Variants in RANBP17 observed in about 807,000 individuals in gnomAD.
RANBP17 encodes the protein RAN binding protein 17.
A neutral mutation model predicts 141.2 loss-of-function variants in RANBP17; 158 were observed. The observed-to-expected ratio is 1.12, with a 90% CI of 0.98 to 1.28. The LOEUF is 1.28. RANBP17 is among the 50% of genes most tolerant of loss of function. RANBP17 has a pLI of 0.00. For synonymous variants in RANBP17, 430 were observed against 450.0 expected, an observed-to-expected ratio of 0.96 and a Z score of 0.56; for missense variants, 1,438 against 1,290.7, an observed-to-expected ratio of 1.11 and a Z score of -1.75.
intron 1 of RANBP17, among the ~76,000 whole-genome samples, chr5:170,875,834 T>C (rs777694813): frequency 3.9e-5 from 6 of 152,226 alleles, no homozygotes; most frequent in Non-Finnish European, 2.9e-5. Flanking sequence ...CTCTGGCCTT[T>C]TGGGTTTTCA....
intron 14 of RANBP17, among the ~76,000 whole-genome samples, chr5:171,022,705 G>T (rs1028097561): frequency 1.3e-5 from 2 of 152,214 alleles, no homozygotes; most frequent in Non-Finnish European, 2.9e-5. Flanking sequence ...CCTGCCCAGG[G>T]AACTTAGCGT....
intron 14 of RANBP17, among the ~76,000 whole-genome samples, chr5:171,167,157 A>G (rs1255117927): frequency 1.3e-5 from 2 of 152,198 alleles, no homozygotes; most frequent in African/African-American, 4.8e-5. Context: ...AACTGTTTTG[A>G]CAGCAGAACA....
chr5:171,111,275 A>C (rs982303978), intron 14 of RANBP17, among the ~76,000 whole-genome samples: 2 of 152,130 alleles, frequency 1.3e-5, no homozygotes, highest in African/African-American at 4.8e-5. Flanking sequence ...CTAAGATATA[A>C]CCATTCAGCT....
At chr5:171,258,065 C>T (rs1766022460) in intron 24 of RANBP17, among the ~76,000 whole-genome samples, 1 of 150,470 alleles carries the variant, frequency 6.6e-6, no homozygotes, top group African/African-American at 2.4e-5. Flanking sequence ...GAGATCGCTT[C>T]ATTGCACTCC....
At chr5:171,255,490 A>G (rs1417072586) in intron 24 of RANBP17, among the ~76,000 whole-genome samples, 2 of 152,146 alleles carry the variant, frequency 1.3e-5, no homozygotes, top group South Asian at 2.1e-4. Context: ...AAGTTCTAGT[A>G]TATGTATTGA....
chr5:170,996,526 C>T (rs1157628439), intron 14 of RANBP17, among the ~76,000 whole-genome samples: 1 of 152,120 alleles, frequency 6.6e-6, no homozygotes, highest in Non-Finnish European at 1.5e-5. Context: ...TGTTCTGGAG[C>T]ATTCTGATTT....
At chr5:170,932,000 T>C (rs1773430652) in intron 12 of RANBP17, among the ~76,000 whole-genome samples, 1 of 152,192 alleles carries the variant, frequency 6.6e-6, no homozygotes, top group African/African-American at 2.4e-5. Flanking sequence ...CCTTGGGCAG[T>C]ATGGCCATTT....
chr5:170,980,339 T>A (rs1777675176), intron 14 of RANBP17, among the ~76,000 whole-genome samples: 1 of 152,184 alleles, frequency 6.6e-6, no homozygotes, highest in Admixed American at 6.5e-5. Flanking sequence ...GAAATTTGTA[T>A]AAGTAATGAG....
At chr5:171,220,502 G>A (rs907047931) in intron 21 of RANBP17, among the ~76,000 whole-genome samples, 5 of 142,650 alleles carry the variant, frequency 3.5e-5, no homozygotes, top group South Asian at 2.3e-4. Context: ...AGGCTGGAGC[G>A]CAGTGGCCCT....
At chr5:170,917,473 T>C (rs1211975726) in intron 9 of RANBP17, among the ~76,000 whole-genome samples, 1 of 152,070 alleles carries the variant, frequency 6.6e-6, no homozygotes, top group Non-Finnish European at 1.5e-5. Flanking sequence ...AAAATATCTG[T>C]AAAATACAGA....
chr5:171,117,448 A>G (rs146838335), intron 14 of RANBP17, among the ~76,000 whole-genome samples: 3,574 of 151,852 alleles, frequency 0.024, 136 homozygotes, highest in African/African-American at 0.079. Context: ...GGCCATTTCT[A>G]TGTCTTCTTT....
intron 14 of RANBP17, among the ~76,000 whole-genome samples, chr5:171,054,739 T>C (rs567200124): frequency 2.0e-5 from 3 of 152,250 alleles, no homozygotes; most frequent in Admixed American, 2.0e-4. Context: ...CCAGCCCCTA[T>C]TCAAGATGGA....
intron 14 of RANBP17, among the ~76,000 whole-genome samples, chr5:171,132,654 T>G (rs775719965): frequency 6.6e-6 from 1 of 151,748 alleles, no homozygotes; most frequent in Non-Finnish European, 1.5e-5. Context: ...CCTTAGAGTT[T>G]GAGGCTACAG....
At chr5:171,160,623 C>A (rs1169537543) in intron 14 of RANBP17, among the ~76,000 whole-genome samples, 1 of 152,142 alleles carries the variant, frequency 6.6e-6, no homozygotes, top group Non-Finnish European at 1.5e-5. Context: ...GAATCTATTC[C>A]TAACCACTTC....
intron 14 of RANBP17, among the ~76,000 whole-genome samples, chr5:170,998,328 C>A (rs1778972704): frequency 6.6e-6 from 1 of 152,062 alleles, no homozygotes; most frequent in Non-Finnish European, 1.5e-5. Flanking sequence ...TCATTAGGAA[C>A]ACTCAGGTCA....
At chr5:171,113,426 G>A (rs1377098693) in intron 14 of RANBP17, among the ~76,000 whole-genome samples, 1 of 152,088 alleles carries the variant, frequency 6.6e-6, no homozygotes, top group Non-Finnish European at 1.5e-5. Context: ...TTCCAGACAT[G>A]GAACAGACAT....
intron 14 of RANBP17, among the ~76,000 whole-genome samples, chr5:171,140,836 T>C (rs1757638127): frequency 6.6e-6 from 1 of 152,206 alleles, no homozygotes; most frequent in Non-Finnish European, 1.5e-5. Context: ...TACTCTTACA[T>C]TACTGTGAAG....
intron 12 of RANBP17, among the ~76,000 whole-genome samples, chr5:170,933,109 G>C (rs578202492): frequency 3.6e-4 from 55 of 152,216 alleles, no homozygotes; most frequent in Non-Finnish European, 6.2e-4. Flanking sequence ...GGTCTATTCA[G>C]GGATTCAGCT....
At chr5:171,190,116 T>A (rs1434423366) in intron 18 of RANBP17, among the ~76,000 whole-genome samples, 1 of 152,158 alleles carries the variant, frequency 6.6e-6, no homozygotes, top group Non-Finnish European at 1.5e-5. Flanking sequence ...ACATTCTAAT[T>A]GAATCCTACA....
Sources: allele counts gnomAD v4.1 joint callset (sites outside exome capture counted in the v4.1 genomes callset), GRCh38; gene constraint gnomAD v4.1.1; transcripts MANE v1.5; gene names NCBI Gene and HGNC (gene_info 2026-07-23, HGNC 2026-07-21).